The following THEMIS variants were observed in gnomAD, a reference collection of about 807,000 sequenced individuals.
THEMIS encodes the protein protein THEMIS.
In THEMIS, 37 loss-of-function variants were observed where a neutral mutation model predicts 52.6. The observed-to-expected ratio is 0.70, with a 90% CI of 0.54 to 0.93. The LOEUF (loss-of-function observed/expected upper bound fraction) is 0.93, where lower values mean the gene tolerates loss of function less well. Among genes scored for constraint, THEMIS ranks in the 40% least tolerant of loss-of-function variants. The pLI is 0.00. For missense variants in THEMIS, 808 were observed against 763.1 expected (o/e 1.06, Z -0.69); for synonymous variants, 292 against 272.7 (o/e 1.07, Z -0.70).
chr6:127,882,128 T>G (rs1780504309), intron 1 of THEMIS, among the ~76,000 whole-genome samples: 1 of 151,820 alleles, frequency 6.6e-6, no homozygotes, highest in South Asian at 2.1e-4. Flanking sequence ...GACTTAGCAA[T>G]TTTTTAACTT....
chr6:127,726,706 G>A (rs547808734), intron 4 of THEMIS, among the ~76,000 whole-genome samples: 2 of 152,148 alleles, frequency 1.3e-5, no homozygotes, highest in South Asian at 4.2e-4. Context: ...TCAAATACTA[G>A]TTCATGGATG....
At chr6:127,871,324 C>G (rs368398646) in intron 1 of THEMIS, among the ~76,000 whole-genome samples, 1 of 151,876 alleles carries the variant, frequency 6.6e-6, no homozygotes, top group African/African-American at 2.4e-5. Flanking sequence ...TTTATATACA[C>G]ACACTGAACT....
intron 4 of THEMIS, among the ~76,000 whole-genome samples, chr6:127,728,500 G>A (rs1774631738): frequency 6.6e-6 from 1 of 152,082 alleles, no homozygotes; most frequent in Admixed American, 6.5e-5. Context: ...TGACTTACCA[G>A]CTTAAATTAC....
intron 1 of THEMIS, among the ~76,000 whole-genome samples, chr6:127,871,826 A>C (rs1351095652): frequency 6.6e-6 from 1 of 152,110 alleles, no homozygotes; most frequent in African/African-American, 2.4e-5. Context: ...CCAAAAAAGA[A>C]ATCTCCAGGC....
At chr6:127,733,301 G>A (rs918125828) in intron 4 of THEMIS, among the ~76,000 whole-genome samples, 19 of 151,936 alleles carry the variant, frequency 1.3e-4, no homozygotes, top group African/African-American at 2.2e-4. Flanking sequence ...TGTACCTTGC[G>A]TTTTCACTTC....
intron 4 of THEMIS, among the ~76,000 whole-genome samples, chr6:127,805,938 T>C (rs925645178): frequency 6.6e-6 from 1 of 152,096 alleles, no homozygotes; most frequent in African/African-American, 2.4e-5. Flanking sequence ...TTATCTCCTC[T>C]ACTTTTCTTC....
chr6:127,907,246 T>A (rs759601154), intron 1 of THEMIS, among the ~76,000 whole-genome samples: 13 of 151,550 alleles, frequency 8.6e-5, no homozygotes, highest in Non-Finnish European at 1.8e-4. Flanking sequence ...TGCCATTTAT[T>A]GGTTCGTCAT....
rs1415765899 is a variant in THEMIS, at chr6:127,767,551, C to T, written c.1758+45332G>A. 4.6e-5 allele frequency among the ~76,000 whole-genome samples: 7 copies of T among 152,142 alleles called. No homozygotes were observed. The East Asian group carries it at 1.2e-3, about 25-fold the overall frequency. ...TCAACATCACTGTCTTCGACCTCCA[C>T]GTCTTGTCCCACTGGACTTCAGGGG... is the stretch of plus-strand genomic sequence containing the variant. On this transcript the variant is annotated intron_variant, in intron 4 of 5. Coordinates refer to ENST00000368248, the MANE Select transcript of THEMIS (RefSeq NM_001010923.3).
At chr6:127,866,949 TTTTA>T (rs10627698) in intron 1 of THEMIS, among the ~76,000 whole-genome samples, 81 of 145,776 alleles carry the variant, frequency 5.6e-4, no homozygotes, top group South Asian at 3.2e-3. Flanking sequence ...TTTATTTTTA[TTTTA>T]TTTATTTATT....
At chr6:127,870,765 G>C (rs1243644604) in intron 1 of THEMIS, among the ~76,000 whole-genome samples, 3 of 152,142 alleles carry the variant, frequency 2.0e-5, no homozygotes, top group Admixed American at 1.3e-4. Flanking sequence ...AATGATAAAA[G>C]TGTCAATCTA....
intron 4 of THEMIS, among the ~76,000 whole-genome samples, chr6:127,808,169 C>G (rs913915234): frequency 1.3e-5 from 2 of 152,190 alleles, no homozygotes; most frequent in Non-Finnish European, 2.9e-5. Context: ...CTGGTCCCAG[C>G]TGCAGTCTCT....
At chr6:127,703,797 G>T (rs536187606), downstream of THEMIS, among the ~76,000 whole-genome samples, 27 of 152,284 alleles carry the variant, frequency 1.8e-4, 1 homozygote, top group African/African-American at 6.3e-4. Flanking sequence ...CAAAGAACAG[G>T]TTATTGCACT....
At chr6:127,793,151 A>C (rs1423705748) in intron 4 of THEMIS, among the ~76,000 whole-genome samples, 1 of 152,222 alleles carries the variant, frequency 6.6e-6, no homozygotes, top group Non-Finnish European at 1.5e-5. Context: ...TATTGCACAG[A>C]ATCAAAAGCA....
intron 4 of THEMIS, among the ~76,000 whole-genome samples, chr6:127,752,581 A>G (rs771164373): frequency 1.2e-4 from 18 of 151,760 alleles, no homozygotes; most frequent in Middle Eastern, 6.8e-3. Flanking sequence ...CATCAAATTT[A>G]TGCTTGCCCT....
intron 1 of THEMIS, among the ~76,000 whole-genome samples, chr6:127,900,464 G>A (rs1781102510): frequency 6.6e-6 from 1 of 152,046 alleles, no homozygotes; most frequent in African/African-American, 2.4e-5. Flanking sequence ...GCCTTTGATA[G>A]TTGCTTTTGT....
chr6:127,733,293 T>C (rs1774873420), intron 4 of THEMIS, among the ~76,000 whole-genome samples: 1 of 152,238 alleles, frequency 6.6e-6, no homozygotes, highest in African/African-American at 2.4e-5. Context: ...CTCTGCTTTG[T>C]ACCTTGCGTT....
intron 4 of THEMIS, among the ~76,000 whole-genome samples, chr6:127,730,004 T>C (rs1215317599): frequency 6.6e-6 from 1 of 152,162 alleles, no homozygotes; most frequent in Non-Finnish European, 1.5e-5. Context: ...GCATGGTGGC[T>C]CATGTCTGTA....
chr6:127,814,880 G>A (rs894085471), intron 3 of THEMIS, among the ~76,000 whole-genome samples: 1 of 152,198 alleles, frequency 6.6e-6, no homozygotes, highest in Admixed American at 6.5e-5. Flanking sequence ...GTATTGGCCA[G>A]GCACTGTGTC....
intron 3 of THEMIS, among the ~76,000 whole-genome samples, chr6:127,826,629 A>T (rs1235986435): frequency 6.6e-6 from 1 of 152,196 alleles, no homozygotes; most frequent in Non-Finnish European, 1.5e-5. Context: ...TAAAAGTTTT[A>T]ATGGTCAAGA....
Sources: allele counts gnomAD v4.1 joint callset (sites outside exome capture counted in the v4.1 genomes callset), GRCh38; gene constraint gnomAD v4.1.1; transcripts MANE v1.5; gene names NCBI Gene and HGNC (gene_info 2026-07-23, HGNC 2026-07-21).